Variants in GRIP1 observed in about 807,000 individuals in gnomAD.
GRIP1 encodes glutamate receptor-interacting protein 1.
Under a neutral mutation model 129.9 loss-of-function variants are expected in GRIP1, and 45 were observed. That is an observed-to-expected ratio of 0.35 (90% CI 0.27 to 0.44). The LOEUF is 0.44. Ranked by LOEUF, GRIP1 falls within the 20% of genes least tolerant of loss-of-function variation. The pLI is 1.00. For synonymous variants in GRIP1, 530 were observed against 520.8 expected (o/e 1.02, Z -0.24); for missense variants, 1,196 against 1,396.8 (o/e 0.86, Z 2.29).
At chr12:66,971,459 T>C (rs1566100590) in intron 1 of GRIP1, among the ~76,000 whole-genome samples, 3 of 152,222 alleles carry the variant, frequency 2.0e-5, no homozygotes, top group South Asian at 2.1e-4. Context: ...AATAATAGCA[T>C]GCTTGGGAAG....
At chr12:66,416,615 G>A (rs1029381669) in intron 15 of GRIP1, among the ~76,000 whole-genome samples, 5 of 152,168 alleles carry the variant, frequency 3.3e-5, no homozygotes, top group Non-Finnish European at 7.3e-5. Flanking sequence ...GATCATTAGT[G>A]GCTCCTATGA....
At chr12:66,850,599 G>T (rs970793822) in intron 1 of GRIP1, among the ~76,000 whole-genome samples, 2 of 151,924 alleles carry the variant, frequency 1.3e-5, no homozygotes, top group African/African-American at 4.8e-5. Flanking sequence ...GAAACTAGAG[G>T]ATGTTCTTAG....
chr12:67,003,846 A>G lies in GRIP1; in HGVS notation c.58+65204T>C, dbSNP rs149510545. On this transcript the variant is annotated intron_variant, in intron 1 of 1. Transcript: ENST00000643019. ...TTTCCTGATGCTACTATAATAAGTTACCACAAATGTGGTGGCTTAAAACAA... is the reference window on the plus strand; with the variant it reads ...TTTCCTGATGCTACTATAATAAGTTGCCACAAATGTGGTGGCTTAAAACAA... Among the ~76,000 whole-genome samples the G allele has an allele frequency of 2.1e-3, 317 of 152,324 alleles. 2 individuals are homozygous for G. Among genetic ancestry groups the G allele is most frequent in the African/African-American group, 7.3e-3 (304 of 41,582 alleles).
rs571253233 is a variant in GRIP1, at chr12:66,931,112, TA to T, written c.58+137937del. Among the ~76,000 whole-genome samples the T allele has an allele frequency of 3.4e-3, 511 of 152,252 alleles. 3 individuals are homozygous for T. Among genetic ancestry groups the T allele is most frequent in the African/African-American group, 0.011 (465 of 41,550 alleles). ...ATATTGACTGTCAAGAGGACAGAAT[TA>T]AAGCCTCTTCACAAGAAAGAAAATA... On this transcript the variant is annotated intron_variant, in intron 1 of 1. Coordinates refer to the GRIP1 transcript ENST00000643019.
intron 1 of GRIP1, among the ~76,000 whole-genome samples, chr12:66,822,912 C>A (rs2039345951): frequency 6.6e-6 from 1 of 152,014 alleles, no homozygotes; most frequent in Non-Finnish European, 1.5e-5. Flanking sequence ...TCAATCATAC[C>A]CCAAACCTGA....
intron 15 of GRIP1, among the ~76,000 whole-genome samples, chr12:66,412,291 A>G (rs1393612893): frequency 6.6e-6 from 1 of 152,240 alleles, no homozygotes; most frequent in Non-Finnish European, 1.5e-5. Flanking sequence ...CTCTCAGCAG[A>G]AACTCTACAA....
At position 66,517,956 on chromosome 12, in the gene GRIP1, T is replaced by C; in HGVS notation, c.523A>G (p.Asn175Asp). 1 of 1,593,956 alleles carries C rather than the reference T, an allele frequency of 6.3e-7. No homozygotes were observed. Among genetic ancestry groups the C allele is most frequent in the Non-Finnish European group, 8.6e-7 (1 of 1,161,780 alleles). ...VIRGGAHDDRNKSRPVVITCV... is the reference protein window; with the variant it reads ...VIRGGAHDDRDKSRPVVITCV... ...GTTATCACAACTGGACGAGATTTAT[T>C]TCTATCATCATGTGCTCCCCCTAGC... Residue 175 changes from asparagine (N) to aspartate (D), a missense_variant, in exon 6 of 25, where the codon AAT (asparagine) becomes GAT (aspartate). Physicochemically the swap from Asn to Asp is conservative, Grantham distance 23. Coordinates refer to ENST00000359742, the MANE Select transcript of GRIP1 (RefSeq NM_001366722.1).
intron 1 of GRIP1, among the ~76,000 whole-genome samples, chr12:66,842,575 T>G (rs1026075688): frequency 1.3e-5 from 2 of 152,188 alleles, no homozygotes; most frequent in African/African-American, 4.8e-5. Context: ...TTAGTATTTT[T>G]GCTATTATGA....
At chr12:66,899,512 G>A (rs1037911782) in intron 1 of GRIP1, among the ~76,000 whole-genome samples, 1 of 151,780 alleles carries the variant, frequency 6.6e-6, no homozygotes, top group Non-Finnish European at 1.5e-5. Flanking sequence ...ACAAATTCAC[G>A]CCACCATACC....
intron 1 of GRIP1, among the ~76,000 whole-genome samples, chr12:66,709,257 A>T (rs1271700493): frequency 6.6e-6 from 1 of 151,982 alleles, no homozygotes; most frequent in African/African-American, 2.4e-5. Flanking sequence ...GTTTTTGCTC[A>T]GTGTGTTTTT....
At chr12:66,563,083 G>A (rs1467075826) in intron 2 of GRIP1, among the ~76,000 whole-genome samples, 1 of 151,784 alleles carries the variant, frequency 6.6e-6, no homozygotes, top group Non-Finnish European at 1.5e-5. Flanking sequence ...ATGTAGACCT[G>A]TGCAGTTCAA....
intron 1 of GRIP1, among the ~76,000 whole-genome samples, chr12:66,737,561 C>T (rs968696674): frequency 2.6e-5 from 4 of 152,162 alleles, no homozygotes; most frequent in Non-Finnish European, 4.4e-5. Context: ...GGATTACAGG[C>T]ATGAGCTCAC....
At chr12:66,539,259 C>G (rs879228253) in intron 3 of GRIP1, 36 bp from the exon 4 acceptor site, 1 of 1,613,416 alleles carries the variant, frequency 6.2e-7, no homozygotes, top group Non-Finnish European at 8.5e-7. Flanking sequence ...ACAGACCCAC[C>G]CTCTCCATAG....
chr12:67,002,683 T>C (rs1047818615), intron 1 of GRIP1, among the ~76,000 whole-genome samples: 1 of 152,238 alleles, frequency 6.6e-6, no homozygotes, highest in Non-Finnish European at 1.5e-5. Context: ...TAGATAGTCA[T>C]GCAATCATTT....
chr12:66,618,438 G>A (rs574155620), intron 1 of GRIP1, among the ~76,000 whole-genome samples: 1 of 152,148 alleles, frequency 6.6e-6, no homozygotes, highest in East Asian at 1.9e-4. Context: ...ATGGAGGAGA[G>A]TGAATCTTTT....
intron 1 of GRIP1, among the ~76,000 whole-genome samples, chr12:66,642,071 G>A (rs1021244848): frequency 4.6e-5 from 7 of 152,170 alleles, no homozygotes; most frequent in Admixed American, 1.3e-4. Context: ...GACCTTATCA[G>A]TCTCGTGGGG....
At chr12:66,523,921 A>G (rs1053807213) in intron 5 of GRIP1, among the ~76,000 whole-genome samples, 4 of 152,226 alleles carry the variant, frequency 2.6e-5, no homozygotes, top group African/African-American at 7.2e-5. Flanking sequence ...AAAGATCAAA[A>G]GAGACAAAGA....
chr12:66,374,090 C>G (rs952026832), intron 22 of GRIP1, among the ~76,000 whole-genome samples: 1 of 152,086 alleles, frequency 6.6e-6, no homozygotes, highest in East Asian at 1.9e-4. Flanking sequence ...AGATAAATAC[C>G]CTTTTTAAGT....
intron 11 of GRIP1, among the ~76,000 whole-genome samples, chr12:66,451,093 G>C (rs1172168382): frequency 6.6e-6 from 1 of 152,122 alleles, no homozygotes; most frequent in Non-Finnish European, 1.5e-5. Context: ...ATCCTAACTG[G>C]TGTATGCCGA....
Sources: gnomAD v4.1 joint callset for allele counts (sites outside exome capture counted in the v4.1 genomes callset) on GRCh38, gnomAD v4.1.1 for gene constraint, MANE v1.5 for transcripts, NCBI Gene and HGNC (gene_info 2026-07-23, HGNC 2026-07-21) for gene names.